Variants in MYL4 observed in about 807,000 individuals in gnomAD.
MYL4 encodes atrial myosin light chain 1.
Under a neutral mutation model 21.6 loss-of-function variants are expected in MYL4, and 16 were observed. The ratio of observed to expected loss-of-function variants is 0.74; its 90% CI spans 0.50 to 1.12. MYL4 has a LOEUF of 1.12. MYL4 is among the 50% of genes most tolerant of loss of function. The pLI is 0.00. For synonymous variants in MYL4, 82 were observed against 95.7 expected (o/e 0.86, Z 0.83); for missense variants, 249 against 252.9 (o/e 0.98, Z 0.11).
upstream of MYL4, among the ~76,000 whole-genome samples, chr17:47,196,154 T>C (rs185704958): frequency 1.3e-5 from 2 of 152,264 alleles, no homozygotes; most frequent in East Asian, 1.9e-4. Context: ...TTAAATGATA[T>C]CATAAAGATG....
upstream of MYL4, among the ~76,000 whole-genome samples, chr17:47,206,199 T>C (rs2064727627): frequency 6.6e-6 from 1 of 152,070 alleles, no homozygotes. Flanking sequence ...ACCTCCAGAG[T>C]CCACAGTATT....
the MYL4 span, among the ~76,000 whole-genome samples, chr17:47,193,959 T>C: frequency 1.5e-3 from 233 of 152,334 alleles, 1 homozygote; most frequent in African/African-American, 5.4e-3. Context: ...TTTCGCCATG[T>C]TGGCCAGGCT....
At chr17:47,216,879 A>G (rs2064819081) in intron 2 of MYL4, among the ~76,000 whole-genome samples, 1 of 152,128 alleles carries the variant, frequency 6.6e-6, no homozygotes, top group East Asian at 1.9e-4. Flanking sequence ...TTTTTTATAT[A>G]GATGGGGTTT....
At chr17:47,195,234 T>A in the MYL4 span, among the ~76,000 whole-genome samples, 4 of 150,908 alleles carry the variant, frequency 2.7e-5, no homozygotes, top group Non-Finnish European at 5.9e-5. Flanking sequence ...GGCTAATTTT[T>A]TTTTTTTTTT....
At chr17:47,223,289 C>G in intron 6 of MYL4, 1 of 524,998 alleles carries the variant, frequency 1.9e-6, no homozygotes, top group South Asian at 2.9e-5. Context: ...CTCCCAGGAT[C>G]TCTCAAGGCA....
chr17:47,200,186 G>A (rs1157374272), upstream of MYL4, among the ~76,000 whole-genome samples: 10 of 149,514 alleles, frequency 6.7e-5, no homozygotes. Flanking sequence ...CACTGGTGGT[G>A]TGCTAGAGAG....
At chr17:47,197,505 T>C (rs561169540), upstream of MYL4, among the ~76,000 whole-genome samples, 2 of 152,260 alleles carry the variant, frequency 1.3e-5, no homozygotes, top group South Asian at 2.1e-4. Context: ...GGCGTATGAC[T>C]AGGGCGCCTA....
chr17:47,194,348 A>G, the MYL4 span, among the ~76,000 whole-genome samples: 1 of 152,220 alleles, frequency 6.6e-6, no homozygotes, highest in African/African-American at 2.4e-5. Flanking sequence ...GGTGATAAGA[A>G]TGGCTTTCTC....
chr17:47,207,973 TTA>T (rs1209394889), upstream of MYL4, among the ~76,000 whole-genome samples: 4 of 152,182 alleles, frequency 2.6e-5, no homozygotes, highest in Non-Finnish European at 5.9e-5. Flanking sequence ...GACAACTGGA[TTA>T]TCATATACAT....
chr17:47,219,805 C>CCA lies in MYL4; in HGVS notation c.164-95_164-94dup, dbSNP rs1300591424. On this transcript the variant is annotated intron_variant, in intron 2 of 6. Coordinates refer to ENST00000393450, the MANE Select transcript of MYL4 (RefSeq NM_002476.2). ...GCGAAATATTGGGATATTTTAACAA[C>CCA]CACACTCACCTGCTATTCAGCTTGG... is the stretch of plus-strand genomic sequence containing the variant. The CCA allele has an allele frequency of 4.2e-5, 60 of 1,432,312 alleles. No individual in the cohort carries two copies. In the Admixed American group the frequency reaches 1.0e-3, roughly 25 times the overall value. 88.7% of individuals were successfully genotyped at this position (1,432,312 alleles called of 1,614,324 possible). A position where few individuals can be genotyped will look rare whatever the true frequency, so the allele number is the denominator to read the frequency against.
the MYL4 span, among the ~76,000 whole-genome samples, chr17:47,195,224 G>A: frequency 3.7e-4 from 55 of 147,266 alleles, no homozygotes; most frequent in African/African-American, 1.3e-3. Flanking sequence ...CACCACAGTG[G>A]GCTAATTTTT....
chr17:47,206,236 C>A (rs547192268), upstream of MYL4, among the ~76,000 whole-genome samples: 8 of 152,178 alleles, frequency 5.3e-5, no homozygotes, highest in African/African-American at 1.9e-4. Flanking sequence ...TCTCCGGAGC[C>A]CCATTCGGCT....
intron 1 of MYL4, among the ~76,000 whole-genome samples, chr17:47,203,592 C>T (rs1045011855): frequency 2.6e-5 from 4 of 151,908 alleles, no homozygotes; most frequent in African/African-American, 4.8e-5. Flanking sequence ...GTAATATTTT[C>T]GTTTATCTCT....
chr17:47,226,848 A>C (rs561562706), downstream of MYL4, among the ~76,000 whole-genome samples: 1 of 151,804 alleles, frequency 6.6e-6, no homozygotes, highest in East Asian at 1.9e-4. Context: ...GAAGCATTTT[A>C]TTTTCTTTTC....
chr17:47,213,993 C>A, intron 2 of MYL4, 167 bp downstream of exon 2: 1 of 748,622 alleles, frequency 1.3e-6, no homozygotes. Flanking sequence ...TAGTCCTAGG[C>A]ACTTTATATG....
chr17:47,214,310 C>T (rs989760656), intron 2 of MYL4, among the ~76,000 whole-genome samples: 4 of 152,192 alleles, frequency 2.6e-5, no homozygotes, highest in African/African-American at 7.2e-5. Flanking sequence ...GGAAAGCCCT[C>T]CTTAGTTTAC....
chr17:47,192,509 C>T, the MYL4 span, among the ~76,000 whole-genome samples: 1 of 149,366 alleles, frequency 6.7e-6, no homozygotes, highest in Non-Finnish European at 1.5e-5. Flanking sequence ...ATTGGCCGGG[C>T]GTGGTGGTGG....
chr17:47,220,106 G>A, intron 3 of MYL4, 53 bp downstream of exon 3: 1 of 1,535,022 alleles, frequency 6.5e-7, no homozygotes, highest in South Asian at 1.3e-5. Flanking sequence ...GCAGCCCCTT[G>A]GCTTCCTCCT....
At chr17:47,194,371 G>A in the MYL4 span, among the ~76,000 whole-genome samples, 4 of 152,304 alleles carry the variant, frequency 2.6e-5, no homozygotes, top group Middle Eastern at 6.8e-3. Flanking sequence ...GGTACAAGGA[G>A]GGCATCTTTC....
Sources: allele counts gnomAD v4.1 joint callset (sites outside exome capture counted in the v4.1 genomes callset), GRCh38; gene constraint gnomAD v4.1.1; transcripts MANE v1.5; gene names NCBI Gene and HGNC (gene_info 2026-07-23, HGNC 2026-07-21).